The following GPR158 variants were observed in gnomAD, a reference collection of about 807,000 sequenced individuals.
GPR158 encodes metabotropic glycine receptor.
GPR158 carries 30 observed loss-of-function variants against 78.2 expected under a neutral mutation model. The ratio of observed to expected loss-of-function variants is 0.38; its 90% CI spans 0.29 to 0.52. GPR158 has a LOEUF of 0.52. Ranked by LOEUF, GPR158 falls within the 20% of genes least tolerant of loss-of-function variation. The pLI, the probability that GPR158 is intolerant of heterozygous loss-of-function variation, is 0.83. For synonymous variants in GPR158, 581 were observed against 591.1 expected (o/e 0.98, Z 0.25); for missense variants, 1,463 against 1,523.5 (o/e 0.96, Z 0.66).
At chr10:25,289,490 T>C (rs761651541) in intron 2 of GPR158, among the ~76,000 whole-genome samples, 1 of 152,132 alleles carries the variant, frequency 6.6e-6, no homozygotes. Flanking sequence ...TGGAGTGCAG[T>C]GGCGCCATCT....
intron 4 of GPR158, among the ~76,000 whole-genome samples, chr10:25,452,434 A>G: frequency 6.6e-6 from 1 of 152,228 alleles, no homozygotes; most frequent in Non-Finnish European, 1.5e-5. Context: ...AGAAAAAACT[A>G]CAGTAAATGG....
chr10:25,340,058 G>C (rs1178787100), intron 2 of GPR158, among the ~76,000 whole-genome samples: 1 of 151,946 alleles, frequency 6.6e-6, no homozygotes, highest in African/African-American at 2.4e-5. Context: ...TGTCTTCCCA[G>C]GTCAGCCATA....
At chr10:25,270,990 A>C (rs1854110494) in intron 2 of GPR158, among the ~76,000 whole-genome samples, 1 of 152,174 alleles carries the variant, frequency 6.6e-6, no homozygotes, top group African/African-American at 2.4e-5. Flanking sequence ...CCACTTTTTA[A>C]AAATCTTCAT....
chr10:25,348,960 A>G (rs1855416539), intron 2 of GPR158, among the ~76,000 whole-genome samples: 1 of 152,068 alleles, frequency 6.6e-6, no homozygotes, highest in Non-Finnish European at 1.5e-5. Flanking sequence ...TTCACCATTC[A>G]TAACCAATTC....
intron 4 of GPR158, among the ~76,000 whole-genome samples, chr10:25,448,685 A>T (rs1361867055): frequency 1.3e-5 from 2 of 152,230 alleles, no homozygotes; most frequent in African/African-American, 2.4e-5. Flanking sequence ...ATAAAAAGCC[A>T]CAAGACCATT....
intron 2 of GPR158, among the ~76,000 whole-genome samples, chr10:25,363,825 C>T (rs1303595989): frequency 6.6e-6 from 1 of 151,802 alleles, no homozygotes; most frequent in African/African-American, 2.4e-5. Flanking sequence ...GTTACATGAC[C>T]CTCAGGGTCC....
At chr10:25,261,770 G>A (rs538672929) in intron 2 of GPR158, among the ~76,000 whole-genome samples, 14 of 152,208 alleles carry the variant, frequency 9.2e-5, no homozygotes, top group African/African-American at 3.4e-4. Flanking sequence ...GACTGCCATG[G>A]CCCTTTTCCC....
chr10:25,296,482 T>C (rs1854516214), intron 2 of GPR158, among the ~76,000 whole-genome samples: 1 of 144,304 alleles, frequency 6.9e-6, no homozygotes, highest in Admixed American at 6.7e-5. Context: ...TGTCTTTCTA[T>C]CTATATCTAA....
chr10:25,210,188 C>T (rs1853109069), intron 1 of GPR158, among the ~76,000 whole-genome samples: 1 of 152,192 alleles, frequency 6.6e-6, no homozygotes, highest in Admixed American at 6.5e-5. Context: ...CTTCTATTCA[C>T]GTGCTATTTT....
chr10:25,488,096 A>G (rs1010097247), intron 5 of GPR158, among the ~76,000 whole-genome samples: 3 of 152,186 alleles, frequency 2.0e-5, no homozygotes, highest in African/African-American at 7.2e-5. Context: ...CTCCCATAAG[A>G]GAAGTATGGA....
Position 25,367,971 on chromosome 10 carries a change from C to T in GPR158, c.1009-27940C>T, listed in dbSNP as rs191127179. 1.8e-4 allele frequency among the ~76,000 whole-genome samples: 28 copies of T among 151,884 alleles called. No individual in the cohort carries two copies. The South Asian group carries it at 3.3e-3, about 18-fold the overall frequency. ...GGATTTCCAATTGCCTGAGGGCTGC[C>T]CCTGTTGCCTGGATCATGGAAACTT... On this transcript the variant is annotated intron_variant, in intron 2 of 10. Transcript: ENST00000376351.
At chr10:25,202,092 T>C (rs528909919) in intron 1 of GPR158, among the ~76,000 whole-genome samples, 46 of 152,274 alleles carry the variant, frequency 3.0e-4, no homozygotes, top group African/African-American at 1.1e-3. Context: ...AATTTGGCTG[T>C]GAATTTTTCT....
At chr10:25,392,412 GGGCA>G (rs1834312472) in intron 2 of GPR158, among the ~76,000 whole-genome samples, 2 of 152,238 alleles carry the variant, frequency 1.3e-5, no homozygotes, top group African/African-American at 4.8e-5. Flanking sequence ...CAGGCTGAGT[GGGCA>G]TAATGTGCCT....
rs768716686 is a variant in GPR158 at position 25,241,331 on chromosome 10, C to CTT, written c.1008+20175_1008+20176dup. On this transcript the variant is annotated intron_variant, in intron 2 of 10. Transcript: ENST00000376351. ...TTTCTTTTCTCTTCTCTTCTCTTCTCTTCTCTTTTCTCTTTTCTCTTTTCT... is the reference window on the plus strand; with the variant it reads ...TTTCTTTTCTCTTCTCTTCTCTTCTCTTTTCTCTTTTCTCTTTTCTCTTTTCT... Among the ~76,000 whole-genome samples the CTT allele has an allele frequency of 2.1e-3, 262 of 123,750 alleles. 2 individuals carry two copies. Among genetic ancestry groups the CTT allele is most frequent in the African/African-American group, 6.7e-3 (182 of 27,290 alleles). 81.2% of individuals were successfully genotyped at this position (123,750 alleles called of 152,430 possible).
intron 5 of GPR158, among the ~76,000 whole-genome samples, chr10:25,511,953 AAGT>A (rs1836092338): frequency 6.6e-6 from 1 of 152,096 alleles, no homozygotes; most frequent in African/African-American, 2.4e-5. Context: ...GTATAGGTTG[AAGT>A]CGGGTAATGT....
intron 2 of GPR158, among the ~76,000 whole-genome samples, chr10:25,368,404 C>T (rs1222273231): frequency 6.6e-6 from 1 of 151,646 alleles, no homozygotes; most frequent in Non-Finnish European, 1.5e-5. Context: ...AGCAAATAAC[C>T]TCATTAAAAA....
At chr10:25,291,108 A>G (rs548499926) in intron 2 of GPR158, among the ~76,000 whole-genome samples, 1 of 152,088 alleles carries the variant, frequency 6.6e-6, no homozygotes, top group Non-Finnish European at 1.5e-5. Flanking sequence ...TGTATTGTGA[A>G]TTGCCATCTT....
At chr10:25,372,445 C>T (rs1345426185) in intron 2 of GPR158, among the ~76,000 whole-genome samples, 3 of 144,130 alleles carry the variant, frequency 2.1e-5, no homozygotes, top group Non-Finnish European at 4.6e-5. Flanking sequence ...ATAACAAAGA[C>T]TTGGAACCAA....
At chr10:25,370,764 G>A (rs1157868385) in intron 2 of GPR158, among the ~76,000 whole-genome samples, 1 of 150,352 alleles carries the variant, frequency 6.7e-6, no homozygotes, top group Non-Finnish European at 1.5e-5. Flanking sequence ...TTTTGACAGT[G>A]GGGTGTTAAA....
Sources: gnomAD v4.1 joint callset for allele counts (sites outside exome capture counted in the v4.1 genomes callset) on GRCh38, gnomAD v4.1.1 for gene constraint, MANE v1.5 for transcripts, NCBI Gene and HGNC (gene_info 2026-07-23, HGNC 2026-07-21) for gene names.